The following YWHAB variants were observed in gnomAD, a reference collection of about 807,000 sequenced individuals.
YWHAB encodes 14-3-3 protein beta/alpha.
In YWHAB, 2 loss-of-function variants were observed where a neutral mutation model predicts 28.5. The ratio of observed to expected loss-of-function variants is 0.07; its 90% CI spans 0.03 to 0.22. YWHAB has a LOEUF of 0.22. YWHAB is among the 10% of genes least tolerant of loss of function. The pLI is 1.00. For missense variants in YWHAB, 148 were observed against 297.1 expected, an observed-to-expected ratio of 0.50 and a Z score of 3.69; for synonymous variants, 103 against 104.7, an observed-to-expected ratio of 0.98 and a Z score of 0.10.
intron 5 of YWHAB, 35 bp from the exon 6 acceptor site, chr20:44,906,347 A>G: frequency 6.2e-7 from 1 of 1,609,998 alleles, no homozygotes; most frequent in Non-Finnish European, 8.5e-7. Flanking sequence ...AACTTTTAGT[A>G]GCCCTGCTTT....
In YWHAB at chr20:44,906,451, T is replaced by C. The variant is rs1235142086; in HGVS notation, c.*13T>C. The C allele has an allele frequency of 3.7e-6, 6 of 1,610,938 alleles. No individual in the cohort carries two copies. The highest frequency in any genetic ancestry group is 1.7e-6 in the Non-Finnish European group (2 of 1,179,060). Reference sequence around the variant, plus strand: ...GGGAGAGAACTAATGTTTCTCGTGCTTTGTGATCTGTTCAGTGTCACTCTG... The same window carrying C: ...GGGAGAGAACTAATGTTTCTCGTGCCTTGTGATCTGTTCAGTGTCACTCTG... On this transcript the variant is annotated 3_prime_UTR_variant, in exon 6 of 6. Transcript: ENST00000353703.
intron 1 of YWHAB, among the ~76,000 whole-genome samples, chr20:44,892,773 T>C (rs938047795): frequency 3.3e-5 from 5 of 152,214 alleles, no homozygotes; most frequent in African/African-American, 1.2e-4. Flanking sequence ...AGGTAAGTTA[T>C]AATGTGGAAA....
Position 44,908,212 on chromosome 20 carries a change from G to A in YWHAB, c.*1774G>A, listed in dbSNP as rs2066671742. On this transcript the variant is annotated 3_prime_UTR_variant, in exon 6 of 6. Coordinates refer to ENST00000353703, the MANE Select transcript of YWHAB (RefSeq NM_139323.4). ...CCCTCCTTTCTAGCTGAACAAAAAT[G>A]TGCAGTTAATACTTGGCGCTTGAAA... 1 of 152,070 alleles carries A rather than the reference G, an allele frequency of 6.6e-6. No individual in the cohort carries two copies. Among genetic ancestry groups the A allele is most frequent in the South Asian group, 2.1e-4 (1 of 4,810 alleles). 9.4% of individuals were successfully genotyped at this position (152,070 alleles called of 1,614,324 possible). A position where few individuals can be genotyped will look rare whatever the true frequency, so the allele number is the denominator to read the frequency against.
rs558897106 is a variant in YWHAB, at chr20:44,893,588, C to T, written c.-4+7702C>T. Among the ~76,000 whole-genome samples the T allele has an allele frequency of 6.6e-4, 100 of 151,760 alleles. 1 individual carries two copies. Among genetic ancestry groups the T allele is most frequent in the Non-Finnish European group, 1.3e-3 (88 of 67,984 alleles). On this transcript the variant is annotated intron_variant, in intron 1 of 5. Transcript: ENST00000353703. ...ACAGAAATAAAATATTGTGCAGCCT[C>T]GTCCCTCCAGCCCCCATTGCTCTTA...
In YWHAB at chr20:44,885,788, C is replaced by A; in HGVS notation, c.-102C>A. ...CCGCCGCCGCTGCAGCCACTGCAGGCACCGCTGCCGCCGCCTGAGTAGTGG... is the reference window on the plus strand; with the variant it reads ...CCGCCGCCGCTGCAGCCACTGCAGGAACCGCTGCCGCCGCCTGAGTAGTGG... On this transcript the variant is annotated 5_prime_UTR_variant, in exon 1 of 6. Transcript: ENST00000353703. 1 of 177,610 alleles carries A rather than the reference C, an allele frequency of 5.6e-6. No individual in the cohort carries two copies. The highest frequency in any genetic ancestry group is 1.2e-5 in the Non-Finnish European group (1 of 85,776). The allele number at this position is 177,610 out of a possible 1,614,324, so 11.0% of individuals were successfully genotyped here. A position where few individuals can be genotyped will look rare whatever the true frequency, so the allele number is the denominator to read the frequency against.
At chr20:44,902,091 C>T (rs2066630643) in intron 2 of YWHAB, 1 of 355,026 alleles carries the variant, frequency 2.8e-6, no homozygotes, top group Non-Finnish European at 5.1e-6. Flanking sequence ...TTTTTTCAGC[C>T]TCCCTCCATC....
chr20:44,886,979 G>T (rs1427257385), intron 1 of YWHAB: 2 of 152,224 alleles, frequency 1.3e-5, no homozygotes, highest in Non-Finnish European at 2.9e-5. Context: ...AAAGAGAAAG[G>T]TGAAGCACTT....
chr20:44,900,287 G>C (rs1041491533), intron 1 of YWHAB, among the ~76,000 whole-genome samples: 2 of 152,082 alleles, frequency 1.3e-5, no homozygotes, highest in African/African-American at 4.8e-5. Context: ...TTGAACTCTT[G>C]GGATCCTAGG....
chr20:44,905,192 A>G lies in YWHAB; in HGVS notation c.588+61A>G, dbSNP rs1174229471. 6.0e-6 allele frequency: 9 copies of G among 1,509,730 alleles called. No homozygotes were observed. In the East Asian group the frequency reaches 1.9e-4, roughly 31 times the overall value. The allele number at this position is 1,509,730 out of a possible 1,614,324, so 93.5% of individuals were successfully genotyped here. A position where few individuals can be genotyped will look rare whatever the true frequency, so the allele number is the denominator to read the frequency against. ...AAACAGTGCTTGTGTTATTAACTTC[A>G]TTTTATTCCTGAACATACTCATTGT... On this transcript the variant is annotated intron_variant, in intron 4 of 5. Transcript: ENST00000353703.
intron 3 of YWHAB, 59 bp from the exon 4 acceptor site, chr20:44,904,909 C>T: frequency 2.0e-6 from 3 of 1,486,946 alleles, no homozygotes; most frequent in Non-Finnish European, 2.7e-6. Context: ...GATAGTTGGT[C>T]CAATGTGTGA....
At position 44,904,176 on chromosome 20, in the gene YWHAB, G is replaced by T; in HGVS notation, c.424+60G>T. 6.3e-7 allele frequency: 1 copy of T among 1,597,174 alleles called. No individual in the cohort carries two copies. The highest frequency in any genetic ancestry group is 8.5e-7 in the Non-Finnish European group (1 of 1,173,730). On this transcript the variant is annotated intron_variant, in intron 3 of 5. Coordinates refer to ENST00000353703, the MANE Select transcript of YWHAB (RefSeq NM_139323.4). ...AATGGAGCCAGTCTTCTTTCACAGG[G>T]ACTTTTTAACGATTTTTGCTTTGTT...
chr20:44,905,803 T>G (rs2066652543), intron 4 of YWHAB, 198 bp from the exon 5 acceptor site: 1 of 503,770 alleles, frequency 2.0e-6, no homozygotes, highest in Non-Finnish European at 3.6e-6. Flanking sequence ...CCTTGGAGTT[T>G]CTGTCATTGT....
At chr20:44,886,778 G>C (rs1291262336) in intron 1 of YWHAB, 1 of 152,214 alleles carries the variant, frequency 6.6e-6, no homozygotes, top group Non-Finnish European at 1.5e-5. Flanking sequence ...ATATAATGGG[G>C]TTTTCAGAGG....
chr20:44,902,052 A>G lies in YWHAB; in HGVS notation c.300+219A>G, dbSNP rs1293026569. The G allele has an allele frequency of 6.5e-6, 3 of 459,602 alleles. No homozygotes were observed. In the East Asian group the frequency reaches 1.0e-4, roughly 16 times the overall value. 28.5% of individuals were successfully genotyped at this position (459,602 alleles called of 1,614,324 possible). ...CACTTCTGAGATACTTTCCTCTCCT[A>G]TCAAAAAGACCTGTGAAAAACAGTG... On this transcript the variant is annotated intron_variant, in intron 2 of 5. Transcript: ENST00000353703.
In YWHAB at chr20:44,891,447, G is replaced by A. The variant is rs577477676; in HGVS notation, c.-4+5561G>A. ...TGGATGAGAAAACAAATTCACAGAG[G>A]TCACATAGCCTGTGGACTTGGTGTG... is the stretch of plus-strand genomic sequence containing the variant. On this transcript the variant is annotated intron_variant, in intron 1 of 5. Coordinates refer to ENST00000353703, the MANE Select transcript of YWHAB (RefSeq NM_139323.4). Among the ~76,000 whole-genome samples, 6 of 152,310 alleles carry A rather than the reference G, an allele frequency of 3.9e-5. No individual in the cohort carries two copies. In the South Asian group the frequency reaches 6.2e-4, roughly 16 times the overall value.
At chr20:44,890,174 AT>A (rs2145523675) in intron 1 of YWHAB, among the ~76,000 whole-genome samples, 2 of 152,348 alleles carry the variant, frequency 1.3e-5, no homozygotes, top group East Asian at 3.9e-4. Context: ...GGACTTCTGA[AT>A]GGAGGAGATG....
At chr20:44,893,009 T>C (rs964966621) in intron 1 of YWHAB, among the ~76,000 whole-genome samples, 16 of 152,238 alleles carry the variant, frequency 1.1e-4, no homozygotes, top group Admixed American at 2.0e-4. Flanking sequence ...TGAAAGCCAG[T>C]GCTTCTAAAG....
At chr20:44,901,383 T>G in intron 1 of YWHAB, 148 bp from the exon 2 acceptor site, 1 of 815,298 alleles carries the variant, frequency 1.2e-6, no homozygotes, top group Middle Eastern at 3.3e-4. Context: ...GTGTTTGATA[T>G]ATCATCAATA....
rs2066673673 is a variant in YWHAB, at chr20:44,908,465, A to G, written c.*2027A>G. On this transcript the variant is annotated 3_prime_UTR_variant, in exon 6 of 6. Coordinates refer to ENST00000353703, the MANE Select transcript of YWHAB (RefSeq NM_139323.4). ...AAACAGTTCTAGTTTCACCTTACACAGAATAATCAGGAAAAGTGTAAAAAT... is the reference window on the plus strand; with the variant it reads ...AAACAGTTCTAGTTTCACCTTACACGGAATAATCAGGAAAAGTGTAAAAAT... The G allele has an allele frequency of 6.5e-6, 1 of 152,696 alleles. No individual in the cohort carries two copies. The highest frequency in any genetic ancestry group is 2.4e-5 in the African/African-American group (1 of 41,474). 9.5% of individuals were successfully genotyped at this position (152,696 alleles called of 1,614,324 possible).
Sources: allele counts gnomAD v4.1 joint callset (sites outside exome capture counted in the v4.1 genomes callset), GRCh38; gene constraint gnomAD v4.1.1; transcripts MANE v1.5; gene names NCBI Gene and HGNC (gene_info 2026-07-23, HGNC 2026-07-21).